MIPEP: variants seen among roughly 807,000 people sequenced by gnomAD.
MIPEP encodes the protein mitochondrial intermediate peptidase.
Under a neutral mutation model 90.3 loss-of-function variants are expected in MIPEP, and 79 were observed. That is an observed-to-expected ratio of 0.87 (90% CI 0.73 to 1.05). The LOEUF (loss-of-function observed/expected upper bound fraction) is 1.05, where lower values mean the gene tolerates loss of function less well. Ranked by LOEUF, MIPEP falls within the 50% of genes least tolerant of loss-of-function variation. MIPEP has a pLI of 0.00. For missense variants in MIPEP, 940 were observed against 905.6 expected (o/e 1.04, Z -0.49); for synonymous variants, 334 against 315.8 (o/e 1.06, Z -0.61).
At chr13:23,799,946 C>T (rs1245962841) in intron 16 of MIPEP, among the ~76,000 whole-genome samples, 1 of 152,122 alleles carries the variant, frequency 6.6e-6, no homozygotes, top group East Asian at 1.9e-4. Context: ...CATGTAAATA[C>T]TTAGAGTGCT....
At chr13:23,810,436 ACT>A (rs2137410219) in intron 14 of MIPEP, among the ~76,000 whole-genome samples, 1 of 152,360 alleles carries the variant, frequency 6.6e-6, no homozygotes, top group East Asian at 1.9e-4. Flanking sequence ...ATCTGAAAGA[ACT>A]GTAGAGCTTG....
intron 7 of MIPEP, 149 bp from the exon 8 acceptor site, chr13:23,864,338 C>T (rs572452317): frequency 3.9e-5 from 23 of 592,606 alleles, no homozygotes; most frequent in African/African-American, 3.3e-4. Context: ...CCAACATATA[C>T]CAAACATATA....
intron 10 of MIPEP, among the ~76,000 whole-genome samples, chr13:23,852,361 T>C (rs1389952562): frequency 6.6e-6 from 1 of 152,202 alleles, no homozygotes; most frequent in Non-Finnish European, 1.5e-5. Flanking sequence ...TTTTCAAAAG[T>C]ACATAATAAA....
intron 16 of MIPEP, among the ~76,000 whole-genome samples, chr13:23,775,727 C>A (rs539068232): frequency 2.8e-4 from 43 of 152,190 alleles, no homozygotes; most frequent in African/African-American, 9.9e-4. Context: ...AAAACAAAAA[C>A]CAAACCAAAA....
rs1351708335 is a variant in MIPEP, at chr13:23,881,761, A to G, written c.390T>C (p.Pro130=). ...CCGCAGCTTCTCTGAATGCTGGCTC[A>G]GGGTGAGCGATTTTCACAAAATCAG... The part of the protein sequence containing the change: ...DLADFVKIAH[P]EPAFREAAEE... The change falls in exon 3 of 19, where the codon CCT becomes CCC. Residue 130 remains proline, a synonymous_variant. Coordinates refer to ENST00000382172, the MANE Select transcript of MIPEP (RefSeq NM_005932.4). The G allele has an allele frequency of 6.2e-7, 1 of 1,613,878 alleles. No individual in the cohort carries two copies. Among genetic ancestry groups the G allele is most frequent in the Non-Finnish European group, 8.5e-7 (1 of 1,179,876 alleles).
chr13:23,869,917 T>C (rs1035835599), intron 6 of MIPEP, 96 bp downstream of exon 6: 1 of 1,011,404 alleles, frequency 9.9e-7, no homozygotes, highest in African/African-American at 1.7e-5. Context: ...CTAAAAAGTT[T>C]TTAAGGATAC....
chr13:23,765,253 C>T (rs771875022), intron 16 of MIPEP, among the ~76,000 whole-genome samples: 2 of 152,146 alleles, frequency 1.3e-5, no homozygotes, highest in Non-Finnish European at 2.9e-5. Flanking sequence ...CAGTAGTCCT[C>T]CCAACTCAAG....
chr13:23,862,853 T>C (rs1870371733), intron 8 of MIPEP, among the ~76,000 whole-genome samples: 1 of 152,194 alleles, frequency 6.6e-6, no homozygotes, highest in Non-Finnish European at 1.5e-5. Flanking sequence ...TTAATTCCTA[T>C]ATATACCTGT....
chr13:23,806,564 GCTA>G (rs1354704545), intron 15 of MIPEP, among the ~76,000 whole-genome samples: 2 of 152,152 alleles, frequency 1.3e-5, no homozygotes, highest in East Asian at 3.9e-4. Flanking sequence ...TCTAGTCCCA[GCTA>G]CTCGGGAGGC....
chr13:23,807,781 T>G (rs1373613848), intron 15 of MIPEP, among the ~76,000 whole-genome samples: 1 of 152,218 alleles, frequency 6.6e-6, no homozygotes, highest in African/African-American at 2.4e-5. Context: ...CCCCAATGTA[T>G]AAATAAATCA....
At chr13:23,875,003 CCTCA>C (rs767771970) in intron 4 of MIPEP, 94 bp from the exon 5 acceptor site, 22 of 820,794 alleles carry the variant, frequency 2.7e-5, no homozygotes, top group Non-Finnish European at 3.7e-5. Context: ...TCTTTTTCAG[CCTCA>C]CTGCCAAAAG....
At chr13:23,767,046 T>A (rs1056242113) in intron 16 of MIPEP, among the ~76,000 whole-genome samples, 1 of 152,226 alleles carries the variant, frequency 6.6e-6, no homozygotes, top group African/African-American at 2.4e-5. Context: ...TGGGGGGCCC[T>A]CTAGGACCTG....
intron 5 of MIPEP, among the ~76,000 whole-genome samples, chr13:23,870,758 T>A (rs935960063): frequency 3.3e-5 from 5 of 151,790 alleles, no homozygotes; most frequent in Non-Finnish European, 7.4e-5. Context: ...TGAGCCGAGA[T>A]CGCACCACTG....
At chr13:23,839,749 G>T in intron 11 of MIPEP, 23 bp from the exon 12 acceptor site, 1 of 1,571,698 alleles carries the variant, frequency 6.4e-7, no homozygotes, top group Non-Finnish European at 8.7e-7. Flanking sequence ...ATTTAAATTT[G>T]GTGGTAAATG....
intron 16 of MIPEP, among the ~76,000 whole-genome samples, chr13:23,779,817 G>A (rs562640774): frequency 6.6e-5 from 10 of 152,218 alleles, no homozygotes; most frequent in Non-Finnish European, 1.3e-4. Flanking sequence ...TATATCCCGC[G>A]CCTGGCTCAG....
At chr13:23,887,860 A>G (rs1257530802) in intron 1 of MIPEP, among the ~76,000 whole-genome samples, 1 of 152,228 alleles carries the variant, frequency 6.6e-6, no homozygotes, top group Non-Finnish European at 1.5e-5. Flanking sequence ...AATAAAAGAA[A>G]GTCAGTGGGA....
Position 23,755,533 on chromosome 13 carries a change from A to T in MIPEP, c.2044+1012T>A, listed in dbSNP as rs144702382. Among the ~76,000 whole-genome samples the T allele has an allele frequency of 2.4e-3, 370 of 152,342 alleles. 2 individuals carry two copies. The highest frequency in any genetic ancestry group is 8.3e-3 in the African/African-American group (343 of 41,568). ...TCTCCAATATTGAAAGTTATTTCCTATATGCACTTTTTCAGATAGCCAGAA... is the reference window on the plus strand; with the variant it reads ...TCTCCAATATTGAAAGTTATTTCCTTTATGCACTTTTTCAGATAGCCAGAA... On this transcript the variant is annotated intron_variant, in intron 18 of 18. Coordinates refer to ENST00000382172, the MANE Select transcript of MIPEP (RefSeq NM_005932.4).
chr13:23,881,876 AGAT>A, intron 2 of MIPEP, 89 bp from the exon 3 acceptor site: 1 of 1,018,508 alleles, frequency 9.8e-7, no homozygotes. Context: ...CTGGGTTTTA[AGAT>A]GTGCCATTGG....
chr13:23,801,324 A>G (rs1367836926), intron 16 of MIPEP, among the ~76,000 whole-genome samples: 1 of 152,108 alleles, frequency 6.6e-6, no homozygotes, highest in Non-Finnish European at 1.5e-5. Flanking sequence ...TGCCTTCTGC[A>G]CTGTTCTCAG....
Sources: allele counts gnomAD v4.1 joint callset (sites outside exome capture counted in the v4.1 genomes callset), GRCh38; gene constraint gnomAD v4.1.1; transcripts MANE v1.5; gene names NCBI Gene and HGNC (gene_info 2026-07-23, HGNC 2026-07-21).